Variants in NECTIN1 observed in about 807,000 individuals in gnomAD.
The protein encoded by NECTIN1 is nectin cell adhesion molecule 1, also known as nectin-1.
In NECTIN1, 23 loss-of-function variants were observed where a neutral mutation model predicts 48.0. That is an observed-to-expected ratio of 0.48 (90% confidence interval 0.34 to 0.68). The LOEUF (loss-of-function observed/expected upper bound fraction) is 0.68. NECTIN1 is among the 30% of genes least tolerant of loss of function. The pLI is 0.01. For missense variants in NECTIN1, 591 were observed against 709.9 expected, an observed-to-expected ratio of 0.83 and a Z score of 1.90; for synonymous variants, 270 against 288.9, an observed-to-expected ratio of 0.93 and a Z score of 0.66.
rs980236131 is a variant in NECTIN1 at position 119,665,477 on chromosome 11, G to A, written c.1004-180C>T. Among the ~76,000 whole-genome samples the A allele has an allele frequency of 6.6e-6, 1 of 152,146 alleles. No individual in the cohort carries two copies. Among genetic ancestry groups the A allele is most frequent in the Non-Finnish European group, 1.5e-5 (1 of 68,020 alleles). On this transcript the variant is annotated intron_variant, in intron 5 of 5. Coordinates refer to ENST00000264025, the MANE Select transcript of NECTIN1 (RefSeq NM_002855.5). This position sits in a 1 kb window ranked among gnomAD's most constrained non-coding sequence, Gnocchi z 5.1. ...ACCCATCCTGGAGCCCTAACATGCC[G>A]CAGCGTTGGTAGCTGGAGTGAGAGA...
chr11:119,699,460 C>T (rs747339755), intron 1 of NECTIN1, among the ~76,000 whole-genome samples: 5 of 151,612 alleles, frequency 3.3e-5, no homozygotes, highest in Non-Finnish European at 7.4e-5. Flanking sequence ...CTGTCAATGC[C>T]CAGCCCCGAG....
chr11:119,664,905 G>T lies in NECTIN1; in HGVS notation c.1396C>A (p.Arg466=), dbSNP rs760713461. The T allele has an allele frequency of 1.9e-6, 3 of 1,613,850 alleles. No homozygotes were observed. The change falls in exon 6 of 6, where the codon CGG becomes AGG. Residue 466 remains arginine (R), a synonymous_variant. Transcript: ENST00000264025. The stretch of plus-strand genomic sequence containing the variant: ...GCCTCATCCACGGTGAAGTAGGGCC[G>T]CTTGGCGTCCTCGTCATATTTGGGG... ...PHPKYDEDAK[R]PYFTVDEAEA...
chr11:119,675,566 C>A (rs867632539), intron 4 of NECTIN1: 19 of 425,744 alleles, frequency 4.5e-5, no homozygotes, highest in South Asian at 1.0e-4. Context: ...ACAGATGAAA[C>A]CTGAGGTTCA....
Position 119,663,075 on chromosome 11 carries a change from G to T in NECTIN1, c.*1672C>A. On this transcript the variant is annotated 3_prime_UTR_variant, in exon 6 of 6. Coordinates refer to ENST00000264025, the MANE Select transcript of NECTIN1 (RefSeq NM_002855.5). ...AGGAAGCCTATGGCAGGGTGGGTCAGTGCCCGTGGGGCACAGAGTGGTCTG... is the reference window on the plus strand; with the variant it reads ...AGGAAGCCTATGGCAGGGTGGGTCATTGCCCGTGGGGCACAGAGTGGTCTG... 1.0e-6 allele frequency: 1 copy of T among 985,482 alleles called. No homozygotes were observed. The highest frequency in any genetic ancestry group is 1.2e-6 in the Non-Finnish European group (1 of 829,944). 61.0% of individuals were successfully genotyped at this position (985,482 alleles called of 1,614,324 possible).
At chr11:119,692,120 G>A (rs1227758700) in intron 1 of NECTIN1, among the ~76,000 whole-genome samples, 1 of 151,310 alleles carries the variant, frequency 6.6e-6, no homozygotes, top group Non-Finnish European at 1.5e-5. Context: ...TTCCCCGCCC[G>A]ACCATCCCTC....
At position 119,677,671 on chromosome 11, in the gene NECTIN1, G is replaced by A. The variant is rs140089588; in HGVS notation, c.617C>T (p.Thr206Met). 1.5e-5 allele frequency: 25 copies of A among 1,614,016 alleles called. No homozygotes were observed. The highest frequency in any genetic ancestry group is 4.0e-5 in the African/African-American group (3 of 74,896). The change falls in exon 3 of 6, where the codon ACG becomes ATG. Residue 206 changes from threonine to methionine, a missense_variant. Coordinates refer to ENST00000264025, the MANE Select transcript of NECTIN1 (RefSeq NM_002855.5). This position sits in a 1 kb window ranked among gnomAD's most constrained non-coding sequence, Gnocchi z 5.4. ...CACCAGGCGGTAGCGGCTGATGACC[G>A]TCACTGTGCCATTGGGGTTCCGGAT... ...QEIRNPNGTV[T>M]VISRYRLVPS...
At position 119,678,212 on chromosome 11, in the gene NECTIN1, T is replaced by C. The variant is rs1864994156; in HGVS notation, c.430+203A>G. ...CAACCTGAAGAATCACGTTCCCCAC[T>C]GTCTAGAGATAAGCCCCTGCCCCTA... On this transcript the variant is annotated intron_variant, in intron 2 of 5. Coordinates refer to ENST00000264025, the MANE Select transcript of NECTIN1 (RefSeq NM_002855.5). This position sits in a 1 kb window ranked among gnomAD's most constrained non-coding sequence, Gnocchi z 4.4. Among the ~76,000 whole-genome samples the C allele has an allele frequency of 6.6e-6, 1 of 152,198 alleles. No individual in the cohort carries two copies. Among genetic ancestry groups the C allele is most frequent in the Admixed American group, 6.5e-5 (1 of 15,294 alleles).
At chr11:119,691,319 A>T (rs565102739) in intron 1 of NECTIN1, among the ~76,000 whole-genome samples, 3 of 152,366 alleles carry the variant, frequency 2.0e-5, no homozygotes, top group African/African-American at 7.2e-5. Context: ...GTCTAAACCC[A>T]GCCCCAGCTT....
At chr11:119,638,203 C>T in exon 8 of NECTIN1, 2 of 1,614,088 alleles carry the variant, frequency 1.2e-6, no homozygotes, top group East Asian at 2.2e-5. Context: ...TCTGCAAGTC[C>T]TCCTCTTCTT....
At chr11:119,687,993 G>A (rs1304106267) in intron 1 of NECTIN1, among the ~76,000 whole-genome samples, 1 of 152,172 alleles carries the variant, frequency 6.6e-6, no homozygotes, top group African/African-American at 2.4e-5. Flanking sequence ...TGTGTAGAAG[G>A]CCTGACAGAT....
At chr11:119,723,944 C>A (rs112560656) in intron 1 of NECTIN1, among the ~76,000 whole-genome samples, 3 of 152,264 alleles carry the variant, frequency 2.0e-5, no homozygotes, top group African/African-American at 7.2e-5. Flanking sequence ...GCACAGGGTG[C>A]TGGGCTCCCA....
chr11:119,704,394 T>C (rs2006949), intron 1 of NECTIN1, among the ~76,000 whole-genome samples: 51,468 of 151,976 alleles, frequency 0.34, 9,453 homozygotes, highest in East Asian at 0.49. Flanking sequence ...CTAATTTTTA[T>C]ATTTTTAGTA....
intron 5 of NECTIN1, among the ~76,000 whole-genome samples, chr11:119,645,418 A>C (rs998581612): frequency 2.6e-5 from 4 of 152,080 alleles, no homozygotes; most frequent in African/African-American, 9.7e-5. Context: ...GTTGAAACCC[A>C]ACTGTGAGAA....
intron 1 of NECTIN1, among the ~76,000 whole-genome samples, chr11:119,680,733 C>T (rs1464651973): frequency 6.6e-6 from 1 of 152,252 alleles, no homozygotes; most frequent in Admixed American, 6.5e-5. Flanking sequence ...GTTCCCCCTT[C>T]TCTGTGCTGA....
At chr11:119,656,978 G>C (rs1340960891), downstream of NECTIN1, among the ~76,000 whole-genome samples, 2 of 152,138 alleles carry the variant, frequency 1.3e-5, no homozygotes, top group Non-Finnish European at 2.9e-5. Context: ...GCCTATAGGT[G>C]GTCTAAACCC....
intron 5 of NECTIN1, among the ~76,000 whole-genome samples, chr11:119,653,019 T>C (rs948291480): frequency 1.3e-5 from 2 of 152,160 alleles, no homozygotes; most frequent in Non-Finnish European, 2.9e-5. Flanking sequence ...GCAAAAATAG[T>C]ATACTCGATT....
At chr11:119,639,709 C>T (rs1456312591) in intron 6 of NECTIN1, 11 of 960,810 alleles carry the variant, frequency 1.1e-5, no homozygotes, top group Admixed American at 8.4e-5. Context: ...AGGGTCAGCT[C>T]TTCCTGCCAA....
intron 5 of NECTIN1, among the ~76,000 whole-genome samples, chr11:119,653,718 CT>C (rs1397013263): frequency 2.6e-5 from 4 of 152,216 alleles, no homozygotes; most frequent in African/African-American, 4.8e-5. Flanking sequence ...AGTAAGAATA[CT>C]ATCCTAGTTC....
chr11:119,675,904 G>A (rs1050933461), intron 4 of NECTIN1, among the ~76,000 whole-genome samples: 12 of 152,094 alleles, frequency 7.9e-5, no homozygotes, highest in Non-Finnish European at 1.6e-4. Context: ...TACTCGGGAG[G>A]GTGAGGCAGA....
Sources: gnomAD v4.1 joint callset for allele counts (sites outside exome capture counted in the v4.1 genomes callset) on GRCh38, gnomAD v4.1.1 for gene constraint, Gnocchi (gnomAD v3.1) non-coding constraint, MANE v1.5 for transcripts, NCBI Gene and HGNC (gene_info 2026-07-23, HGNC 2026-07-21) for gene names.